Variants in OR1J2 observed in about 807,000 individuals in gnomAD.
OR1J2 encodes the protein olfactory receptor 1J2.
For synonymous variants in OR1J2, 142 were observed against 99.7 expected (o/e 1.42, Z -2.52); for missense variants, 304 against 246.1 (o/e 1.24, Z -1.57).
At chr9:122,524,140 C>T in the OR1J2 span, among the ~76,000 whole-genome samples, 49 of 152,302 alleles carry the variant, frequency 3.2e-4, no homozygotes, top group African/African-American at 1.1e-3. Context: ...CATAATGGAA[C>T]TGAATAAATC....
chr9:122,498,889 T>C, the OR1J2 span, among the ~76,000 whole-genome samples: 3 of 151,834 alleles, frequency 2.0e-5, no homozygotes, highest in African/African-American at 4.8e-5. Context: ...TACTGGGGGG[T>C]AGGGTATTTT....
chr9:122,572,012 G>A, the OR1J2 span, among the ~76,000 whole-genome samples: 1 of 152,170 alleles, frequency 6.6e-6, no homozygotes, highest in East Asian at 1.9e-4. Context: ...GAGGCCTCAG[G>A]AAACTTTTAT....
the OR1J2 span, among the ~76,000 whole-genome samples, chr9:122,552,703 C>G: frequency 6.7e-6 from 1 of 149,858 alleles, no homozygotes; most frequent in Admixed American, 6.7e-5. Context: ...GGGGAGGAAG[C>G]TATCTTGTCT....
chr9:122,473,352 A>G, the OR1J2 span, among the ~76,000 whole-genome samples: 3 of 152,174 alleles, frequency 2.0e-5, no homozygotes, highest in Admixed American at 6.5e-5. Context: ...ATGATCTCCT[A>G]GTAGGGCCCT....
the OR1J2 span, among the ~76,000 whole-genome samples, chr9:122,501,037 G>A: frequency 0.014 from 2,196 of 152,146 alleles, 41 homozygotes; most frequent in African/African-American, 0.05. Context: ...TGATATATAG[G>A]CAGGTTTACA....
chr9:122,571,339 C>T, the OR1J2 span, among the ~76,000 whole-genome samples: 2 of 152,024 alleles, frequency 1.3e-5, no homozygotes, highest in Admixed American at 6.6e-5. Context: ...ATCACAAGGT[C>T]AGGAGATTGG....
chr9:122,452,171 C>T, the OR1J2 span, among the ~76,000 whole-genome samples: 14 of 152,248 alleles, frequency 9.2e-5, no homozygotes, highest in South Asian at 4.2e-4. Flanking sequence ...AGTCACCGCG[C>T]CCAGCCCAAG....
the OR1J2 span, among the ~76,000 whole-genome samples, chr9:122,479,110 C>T: frequency 1.3e-5 from 2 of 152,068 alleles, no homozygotes; most frequent in South Asian, 4.1e-4. Context: ...AGCGCGAAAA[C>T]ATATATATAT....
the OR1J2 span, among the ~76,000 whole-genome samples, chr9:122,488,491 T>TA: frequency 6.6e-6 from 1 of 152,206 alleles, no homozygotes; most frequent in Non-Finnish European, 1.5e-5. Context: ...GGAGAGGTGT[T>TA]ACTAGTCCCT....
At chr9:122,576,387 AAT>A in the OR1J2 span, among the ~76,000 whole-genome samples, 3 of 113,262 alleles carry the variant, frequency 2.6e-5, no homozygotes, top group Non-Finnish European at 5.5e-5. Flanking sequence ...ACGCCCAGCT[AAT>A]TTTTTTTTTT....
At chr9:122,481,046 G>A in the OR1J2 span, among the ~76,000 whole-genome samples, 2 of 151,858 alleles carry the variant, frequency 1.3e-5, no homozygotes, top group Admixed American at 6.6e-5. Flanking sequence ...TGCCCGCCTC[G>A]GCCTCCCAAA....
At chr9:122,539,922 A>G in the OR1J2 span, among the ~76,000 whole-genome samples, 1 of 151,870 alleles carries the variant, frequency 6.6e-6, no homozygotes, top group African/African-American at 2.4e-5. Flanking sequence ...TCTTTTGAGA[A>G]GTGTCTGTTC....
chr9:122,535,859 A>T, the OR1J2 span, among the ~76,000 whole-genome samples: 1 of 152,006 alleles, frequency 6.6e-6, no homozygotes, highest in African/African-American at 2.4e-5. Context: ...GCAAAGGGAG[A>T]TAGGGGTGGG....
At chr9:122,450,803 G>A in the OR1J2 span, among the ~76,000 whole-genome samples, 1 of 151,902 alleles carries the variant, frequency 6.6e-6, no homozygotes, top group Non-Finnish European at 1.5e-5. Flanking sequence ...TTACTTCTAT[G>A]AATTTGACTG....
At chr9:122,463,827 T>C in the OR1J2 span, among the ~76,000 whole-genome samples, 3 of 152,034 alleles carry the variant, frequency 2.0e-5, no homozygotes, top group Admixed American at 1.3e-4. Flanking sequence ...CCAATGGAGG[T>C]AGCAGGGGAG....
At chr9:122,501,475 C>A in the OR1J2 span, among the ~76,000 whole-genome samples, 1 of 152,204 alleles carries the variant, frequency 6.6e-6, no homozygotes, top group Non-Finnish European at 1.5e-5. Context: ...CCTCAGGGAA[C>A]AGTTCCTCTC....
the OR1J2 span, among the ~76,000 whole-genome samples, chr9:122,544,670 C>T: frequency 6.6e-6 from 1 of 152,050 alleles, no homozygotes; most frequent in Non-Finnish European, 1.5e-5. Context: ...CTGCCCTCCT[C>T]GGCCTCCCAA....
chr9:122,561,724 C>T, the OR1J2 span, among the ~76,000 whole-genome samples: 7 of 152,230 alleles, frequency 4.6e-5, no homozygotes, highest in East Asian at 5.8e-4. Flanking sequence ...CCATTGGTAT[C>T]GCTGACCTTG....
At chr9:122,554,153 C>T in the OR1J2 span, 2 of 1,609,852 alleles carry the variant, frequency 1.2e-6, no homozygotes, top group Non-Finnish European at 1.7e-6. Context: ...GAAAAACATT[C>T]TTTTTATGAT....
Sources: allele counts gnomAD v4.1 joint callset (sites outside exome capture counted in the v4.1 genomes callset), GRCh38; gene constraint gnomAD v4.1.1; transcripts MANE v1.5; gene names NCBI Gene and HGNC (gene_info 2026-07-23, HGNC 2026-07-21).